The following SLC39A11 variants were observed in gnomAD, a reference collection of about 807,000 sequenced individuals.
The protein encoded by SLC39A11 is zinc transporter ZIP11.
A neutral mutation model predicts 36.1 loss-of-function variants in SLC39A11; 33 were observed. The observed-to-expected ratio is 0.91, with a 90% CI of 0.69 to 1.22. The LOEUF is 1.22. SLC39A11 is among the 50% of genes most tolerant of loss of function. The pLI is 0.00. For missense variants in SLC39A11, 432 were observed against 430.3 expected, an observed-to-expected ratio of 1.00 and a Z score of -0.03; for synonymous variants, 166 against 170.3, an observed-to-expected ratio of 0.97 and a Z score of 0.20.
At chr17:72,917,696 G>A (rs1422505579) in intron 5 of SLC39A11, among the ~76,000 whole-genome samples, 1 of 152,146 alleles carries the variant, frequency 6.6e-6, no homozygotes, top group Non-Finnish European at 1.5e-5. Flanking sequence ...GCTCTTTATT[G>A]GGCTGTGTAC....
chr17:72,968,966 C>G (rs986678121), intron 4 of SLC39A11, among the ~76,000 whole-genome samples: 2 of 152,066 alleles, frequency 1.3e-5, no homozygotes, highest in African/African-American at 2.4e-5. Flanking sequence ...CTGGCTCACC[C>G]ATCTCTGATG....
Position 72,861,685 on chromosome 17 carries a change from ATAT to A in SLC39A11, c.431-11884_431-11882del, listed in dbSNP as rs1367971794. On this transcript the variant is annotated intron_variant, in intron 5 of 9. Coordinates refer to ENST00000255559, the MANE Select transcript of SLC39A11 (RefSeq NM_139177.4). ...TATATATATATATATATATATATATATATAAAATATATATATTGGATATATATA... is the reference window on the plus strand; with the variant it reads ...TATATATATATATATATATATATATAAAAATATATATATTGGATATATATA... Among the ~76,000 whole-genome samples, 325 of 119,612 alleles carry A rather than the reference ATAT, an allele frequency of 2.7e-3. 18 individuals are homozygous for A. In the Middle Eastern group the frequency reaches 0.036, roughly 13 times the overall value. 78.5% of individuals were successfully genotyped at this position (119,612 alleles called of 152,430 possible).
chr17:73,041,527 T>C (rs1277813367), intron 3 of SLC39A11, among the ~76,000 whole-genome samples: 4 of 152,130 alleles, frequency 2.6e-5, no homozygotes, highest in Non-Finnish European at 4.4e-5. Flanking sequence ...CCACCAGACA[T>C]TGCAGGACCC....
rs1290198203 is a variant in SLC39A11, at chr17:72,947,757, C to T, written c.425G>A (p.Arg142Gln). 8.1e-6 allele frequency: 13 copies of T among 1,614,008 alleles called. No individual in the cohort carries two copies. Among genetic ancestry groups the T allele is most frequent in the South Asian group, 1.1e-5 (1 of 91,072 alleles). ...LLFPESELSI[R>Q]IDKSENGEAY... ...TGAAAGAAGCCCAGCTCTACCTATCCGGATGGAAAGTTCACTCTCAGGGAA... is the reference window on the plus strand; with the variant it reads ...TGAAAGAAGCCCAGCTCTACCTATCTGGATGGAAAGTTCACTCTCAGGGAA... The change falls in exon 5 of 10, where the codon CGG (arginine) becomes CAG (glutamine). Residue 142 changes from arginine (R) to glutamine (Q), a missense_variant. Arg to Gln is a conservative substitution (Grantham distance 43). Coordinates refer to ENST00000255559, the MANE Select transcript of SLC39A11 (RefSeq NM_139177.4).
chr17:73,037,481 G>T (rs1568167309), intron 3 of SLC39A11, among the ~76,000 whole-genome samples: 1 of 152,262 alleles, frequency 6.6e-6, no homozygotes, highest in Non-Finnish European at 1.5e-5. Context: ...CCACAGAGGA[G>T]AAGGTGCTGA....
At chr17:72,946,792 A>G (rs1193172876) in intron 5 of SLC39A11, among the ~76,000 whole-genome samples, 2 of 152,196 alleles carry the variant, frequency 1.3e-5, no homozygotes, top group Non-Finnish European at 2.9e-5. Context: ...TTAGTAAACA[A>G]TGAGGGGCAA....
chr17:72,873,512 TA>T (rs2080749189), intron 5 of SLC39A11, among the ~76,000 whole-genome samples: 1 of 152,184 alleles, frequency 6.6e-6, no homozygotes, highest in African/African-American at 2.4e-5. Flanking sequence ...CTCTTGCCAT[TA>T]AGTGTTTGGC....
At chr17:72,936,443 T>C (rs1267831691) in intron 5 of SLC39A11, among the ~76,000 whole-genome samples, 1 of 91,486 alleles carries the variant, frequency 1.1e-5, no homozygotes, top group Non-Finnish European at 2.2e-5. Flanking sequence ...AAAAAAAAAA[T>C]TCCCCTGGCA....
chr17:72,966,628 G>A (rs978434072), intron 4 of SLC39A11, among the ~76,000 whole-genome samples: 14 of 152,130 alleles, frequency 9.2e-5, no homozygotes, highest in African/African-American at 3.1e-4. Flanking sequence ...GGAGTGCAGT[G>A]GCGCGATCTC....
intron 6 of SLC39A11, among the ~76,000 whole-genome samples, chr17:72,836,844 A>G (rs2078570673): frequency 6.6e-6 from 1 of 152,074 alleles, no homozygotes; most frequent in Non-Finnish European, 1.5e-5. Context: ...TTCCTCATTA[A>G]CTGAGCCTGA....
intron 3 of SLC39A11, among the ~76,000 whole-genome samples, chr17:73,077,294 A>G (rs1222966382): frequency 6.6e-6 from 1 of 152,172 alleles, no homozygotes; most frequent in Non-Finnish European, 1.5e-5. Context: ...TCTTTGTGCA[A>G]CTACCTCATA....
At chr17:72,689,823 T>C (rs1598352739) in intron 7 of SLC39A11, among the ~76,000 whole-genome samples, 1 of 152,084 alleles carries the variant, frequency 6.6e-6, no homozygotes, top group Non-Finnish European at 1.5e-5. Flanking sequence ...TGCTTATGGG[T>C]ATGGACTTTT....
At chr17:72,713,540 C>T (rs1473893445) in intron 7 of SLC39A11, among the ~76,000 whole-genome samples, 1 of 152,224 alleles carries the variant, frequency 6.6e-6, no homozygotes, top group East Asian at 1.9e-4. Context: ...TTGCCCTTAA[C>T]TCAGTCATCA....
intron 7 of SLC39A11, among the ~76,000 whole-genome samples, chr17:72,721,464 T>A (rs866537280): frequency 1.1e-4 from 17 of 152,264 alleles, no homozygotes; most frequent in African/African-American, 3.8e-4. Context: ...ATTTTCTACA[T>A]CTGTAAAACA....
At chr17:73,045,294 C>T (rs970661717) in intron 3 of SLC39A11, among the ~76,000 whole-genome samples, 1 of 147,238 alleles carries the variant, frequency 6.8e-6, no homozygotes, top group African/African-American at 2.5e-5. Context: ...GTAATAAGTT[C>T]CATACAGCAA....
intron 6 of SLC39A11, among the ~76,000 whole-genome samples, chr17:72,777,873 G>A (rs926595845): frequency 3.4e-4 from 42 of 123,198 alleles, no homozygotes; most frequent in African/African-American, 1.4e-3. Flanking sequence ...ATGTATATAT[G>A]TATGTATGTA....
intron 5 of SLC39A11, among the ~76,000 whole-genome samples, chr17:72,927,408 G>A (rs1794817195): frequency 6.6e-6 from 1 of 152,192 alleles, no homozygotes; most frequent in Admixed American, 6.5e-5. Context: ...TTCCAAGCCT[G>A]TTGTTGTGCC....
At chr17:72,767,083 G>A (rs1202778101) in intron 6 of SLC39A11, among the ~76,000 whole-genome samples, 2 of 152,170 alleles carry the variant, frequency 1.3e-5, no homozygotes, top group African/African-American at 4.8e-5. Context: ...GTCCATAAGA[G>A]AGAGAGCTCC....
chr17:72,941,665 AC>A (rs1253840082), intron 5 of SLC39A11, among the ~76,000 whole-genome samples: 1 of 151,510 alleles, frequency 6.6e-6, no homozygotes, highest in Non-Finnish European at 1.5e-5. Context: ...AAGCGTACCC[AC>A]CCTGATAATG....
Sources: gnomAD v4.1 joint callset for allele counts (sites outside exome capture counted in the v4.1 genomes callset) on GRCh38, gnomAD v4.1.1 for gene constraint, MANE v1.5 for transcripts, NCBI Gene and HGNC (gene_info 2026-07-23, HGNC 2026-07-21) for gene names.